Variants in OSCP1 observed in about 807,000 individuals in gnomAD.
OSCP1 encodes the protein organic solute carrier partner 1.
A neutral mutation model predicts 45.1 loss-of-function variants in OSCP1; 35 were observed. The ratio of observed to expected loss-of-function variants is 0.78; its 90% CI spans 0.59 to 1.03. OSCP1 has a LOEUF of 1.03. Among genes scored for constraint, OSCP1 ranks in the 50% least tolerant of loss-of-function variants. The probability of loss-of-function intolerance (pLI) is 0.00; values close to 1 mark genes in which losing one functional copy is unlikely to be tolerated. For missense variants in OSCP1, 400 were observed against 470.7 expected, an observed-to-expected ratio of 0.85 and a Z score of 1.39; for synonymous variants, 179 against 180.1, an observed-to-expected ratio of 0.99 and a Z score of 0.05.
intron 4 of OSCP1, among the ~76,000 whole-genome samples, chr1:36,430,461 T>C (rs1173982824): frequency 6.6e-6 from 1 of 151,978 alleles, no homozygotes; most frequent in Non-Finnish European, 1.5e-5. Flanking sequence ...GCCAGGATGG[T>C]GGCAACAGGG....
At chr1:36,443,437 G>T (rs560419813) in intron 1 of OSCP1, among the ~76,000 whole-genome samples, 1 of 152,158 alleles carries the variant, frequency 6.6e-6, no homozygotes. Flanking sequence ...CTGAGGAGTC[G>T]ACAACTTTTT....
chr1:36,419,187 A>G (rs770608770), intron 8 of OSCP1, 133 bp from the exon 9 acceptor site: 26 of 773,188 alleles, frequency 3.4e-5, no homozygotes, highest in Non-Finnish European at 5.2e-5. Flanking sequence ...TTTCTACCCC[A>G]TCTCCCACCA....
At chr1:36,444,657 C>T (rs920926531) in intron 1 of OSCP1, among the ~76,000 whole-genome samples, 39 of 152,216 alleles carry the variant, frequency 2.6e-4, no homozygotes, top group Admixed American at 2.1e-3. Context: ...ATGAAGAAAG[C>T]TTCTGAGGAC....
chr1:36,425,122 G>A (rs928045565), intron 4 of OSCP1, among the ~76,000 whole-genome samples: 2 of 150,268 alleles, frequency 1.3e-5, no homozygotes, highest in Non-Finnish European at 2.9e-5. Context: ...GCAGTGAGCC[G>A]AGATCATGCC....
At chr1:36,428,501 T>A in intron 4 of OSCP1, 1 of 1,591,866 alleles carries the variant, frequency 6.3e-7, no homozygotes, top group Non-Finnish European at 8.5e-7. Context: ...CAAATACATA[T>A]ATGTTACATA....
chr1:36,434,032 G>T (rs1648547735), intron 2 of OSCP1, among the ~76,000 whole-genome samples: 1 of 152,158 alleles, frequency 6.6e-6, no homozygotes. Context: ...TGATGATCAG[G>T]GTTGTCCAGA....
chr1:36,443,491 G>C (rs1274664549), intron 1 of OSCP1, among the ~76,000 whole-genome samples: 1 of 152,176 alleles, frequency 6.6e-6, no homozygotes, highest in Admixed American at 6.5e-5. Context: ...TGAAGCTTTT[G>C]CATGATGAGG....
intron 3 of OSCP1, 52 bp from the exon 4 acceptor site, chr1:36,431,934 G>A (rs780573650): frequency 1.3e-6 from 2 of 1,545,028 alleles, no homozygotes; most frequent in Admixed American, 3.4e-5. Flanking sequence ...GGGATGAGTA[G>A]TACGCACCGG....
chr1:36,420,704 T>G (rs1647567477), intron 7 of OSCP1, 89 bp from the exon 8 acceptor site: 2 of 1,496,456 alleles, frequency 1.3e-6, no homozygotes, highest in South Asian at 1.3e-5. Context: ...TATTATAAAA[T>G]AAGGTAGAAC....
chr1:36,440,988 T>C (rs1649101994), intron 1 of OSCP1: 1 of 152,146 alleles, frequency 6.6e-6, no homozygotes, highest in South Asian at 2.1e-4. Flanking sequence ...CCCAGATAAA[T>C]CAGTTCTGGA....
At chr1:36,419,986 T>C (rs1471840061) in intron 8 of OSCP1, among the ~76,000 whole-genome samples, 1 of 151,302 alleles carries the variant, frequency 6.6e-6, no homozygotes, top group Non-Finnish European at 1.5e-5. Flanking sequence ...TCTTTTTTTT[T>C]TTTTTTTGAG....
intron 2 of OSCP1, among the ~76,000 whole-genome samples, chr1:36,433,824 G>C (rs1648533941): frequency 6.6e-6 from 1 of 152,160 alleles, no homozygotes; most frequent in Non-Finnish European, 1.5e-5. Flanking sequence ...TAGTTAGGGG[G>C]AGTAGCTAGC....
intron 1 of OSCP1, among the ~76,000 whole-genome samples, chr1:36,444,785 T>C (rs1349524009): frequency 2.0e-5 from 3 of 152,202 alleles, no homozygotes; most frequent in Admixed American, 1.3e-4. Context: ...ACTGGCTATA[T>C]AAACTTCAAG....
intron 1 of OSCP1, among the ~76,000 whole-genome samples, chr1:36,441,596 C>A (rs1649159855): frequency 6.6e-6 from 1 of 151,004 alleles, no homozygotes; most frequent in African/African-American, 2.4e-5. Flanking sequence ...AAAAAAAATA[C>A]AAAAAATTAG....
intron 8 of OSCP1, among the ~76,000 whole-genome samples, chr1:36,419,584 A>G (rs1483352237): frequency 6.6e-6 from 1 of 152,208 alleles, no homozygotes; most frequent in Non-Finnish European, 1.5e-5. Flanking sequence ...GGAGGATCAC[A>G]TGAGATAATG....
chr1:36,424,265 C>T (rs951539262), intron 4 of OSCP1, among the ~76,000 whole-genome samples: 8 of 152,262 alleles, frequency 5.3e-5, no homozygotes, highest in South Asian at 2.1e-4. Context: ...TTTTGAGCAG[C>T]GCAGCAAACC....
intron 3 of OSCP1, among the ~76,000 whole-genome samples, 154 bp from the exon 4 acceptor site, chr1:36,432,036 C>T (rs1458809013): frequency 6.6e-6 from 1 of 152,044 alleles, no homozygotes; most frequent in Non-Finnish European, 1.5e-5. Context: ...ACCAGCAGTG[C>T]TGCCTCTCCA....
chr1:36,448,509 C>A (rs1416841), intron 1 of OSCP1, among the ~76,000 whole-genome samples: 15,655 of 152,100 alleles, frequency 0.1, 960 homozygotes, highest in East Asian at 0.29. Flanking sequence ...GACAATCAAG[C>A]GGGAGATAGA....
chr1:36,419,235 T>C, intron 8 of OSCP1, 181 bp from the exon 9 acceptor site: 2 of 612,618 alleles, frequency 3.3e-6, no homozygotes. Context: ...TTCTTTTATC[T>C]CTCTGTGACT....
Sources: allele counts gnomAD v4.1 joint callset (sites outside exome capture counted in the v4.1 genomes callset), GRCh38; gene constraint gnomAD v4.1.1; transcripts MANE v1.5; gene names NCBI Gene and HGNC (gene_info 2026-07-23, HGNC 2026-07-21).